Variants in DDX49 observed in about 807,000 individuals in gnomAD.
The protein encoded by DDX49 is probable ATP-dependent RNA helicase DDX49.
DDX49 carries 50 observed loss-of-function variants against 56.3 expected under a neutral mutation model. The ratio of observed to expected loss-of-function variants is 0.89; its 90% CI spans 0.71 to 1.12. DDX49 has a LOEUF of 1.12. Among genes scored for constraint, DDX49 ranks in the 50% most tolerant of loss-of-function variants. The pLI is 0.00. For synonymous variants in DDX49, 269 were observed against 270.6 expected (o/e 0.99, Z 0.06); for missense variants, 614 against 650.5 (o/e 0.94, Z 0.61).
chr19:18,924,544 GGCC>G, intron 7 of DDX49, 76 bp from the exon 8 acceptor site: 1 of 1,497,200 alleles, frequency 6.7e-7, no homozygotes, highest in Non-Finnish European at 9.3e-7. Context: ...GGACTGTCCC[GGCC>G]TCCACCCTGT....
Position 18,928,168 on chromosome 19 carries a change from A to G in DDX49, c.1304A>G (p.Lys435Arg). ...LEAKRKAELAKIKQKNRRFKE... is the reference protein window; with the variant it reads ...LEAKRKAELARIKQKNRRFKE... ...GCCAAGCGCAAGGCTGAGCTGGCCA[A>G]GATCAAGCAGAAGAACCGGCGCTTC... The change falls in exon 13 of 13, where the codon AAG becomes AGG. Residue 435 changes from lysine to arginine, a missense_variant. Lys to Arg is a conservative substitution (Grantham distance 26). Transcript: ENST00000247003. 1.3e-6 allele frequency: 2 copies of G among 1,592,348 alleles called. No homozygotes were observed. Among genetic ancestry groups the G allele is most frequent in the Non-Finnish European group, 1.7e-6 (2 of 1,169,510 alleles).
chr19:18,927,543 G>C (rs1432413401), intron 10 of DDX49, among the ~76,000 whole-genome samples: 2 of 152,068 alleles, frequency 1.3e-5, no homozygotes, highest in Admixed American at 6.6e-5. Context: ...AGCCGAGATA[G>C]TGCCACTGCA....
rs1010409631 is a variant in DDX49, at chr19:18,928,261, C to G, written c.1397C>G (p.Pro466Arg). The change falls in exon 13 of 13, where the codon CCC becomes CGC. Residue 466 changes from proline to arginine, a missense_variant. Pro to Arg is a moderately radical substitution (Grantham distance 103). Transcript: ENST00000247003. ...AGRAGHKGRPPRTPSGSHSGP... is the reference protein window; with the variant it reads ...AGRAGHKGRPRRTPSGSHSGP... ...AGGGCTGGCCACAAGGGGCGTCCAC[C>G]CAGGACACCGTCTGGGTCCCACTCA... 3.2e-6 allele frequency: 5 copies of G among 1,586,984 alleles called. No homozygotes were observed. Among genetic ancestry groups the G allele is most frequent in the Non-Finnish European group, 4.3e-6 (5 of 1,167,020 alleles).
chr19:18,924,167 G>T, intron 6 of DDX49, 66 bp from the exon 7 acceptor site: 1 of 1,520,226 alleles, frequency 6.6e-7, no homozygotes, highest in Non-Finnish European at 9.1e-7. Context: ...AGGGGCGGGT[G>T]GGGGCAGGAA....
chr19:18,928,065 G>A (rs749352686), intron 12 of DDX49, 29 bp downstream of exon 12: 55 of 1,613,350 alleles, frequency 3.4e-5, no homozygotes, highest in Non-Finnish European at 1.9e-5. Context: ...GGTAGGGGGT[G>A]GGTGGCCAGG....
chr19:18,920,771 C>A, intron 2 of DDX49, 68 bp downstream of exon 2: 1 of 1,492,624 alleles, frequency 6.7e-7, no homozygotes, highest in East Asian at 2.4e-5. Context: ...GCACCTTTCC[C>A]TCTCTGAGCG....
chr19:18,927,647 G>A, intron 10 of DDX49, 119 bp from the exon 11 acceptor site: 1 of 780,098 alleles, frequency 1.3e-6, no homozygotes, highest in Non-Finnish European at 2.2e-6. Flanking sequence ...ACCCTTACCT[G>A]ATATGGCCCC....
At chr19:18,921,634 G>C (rs1363728716) in intron 2 of DDX49, 29 bp from the exon 3 acceptor site, 1 of 1,610,120 alleles carries the variant, frequency 6.2e-7, no homozygotes, top group East Asian at 2.2e-5. Context: ...ACCACTACCT[G>C]ACCCAGCCTG....
At position 18,927,800 on chromosome 19, in the gene DDX49, C is replaced by G. The variant is rs144046113; in HGVS notation, c.1137C>G (p.Ala379=). ...KKLEEFSVEE[A]EVLQILTQVN... ...TGGAGGAGTTCTCCGTGGAAGAGGC[C>G]GAGGTGCTACAGATCCTCACACAGG... The change falls in exon 11 of 13, where the codon GCC becomes GCG. Residue 379 remains alanine, a synonymous_variant. Coordinates refer to ENST00000247003, the MANE Select transcript of DDX49 (RefSeq NM_019070.5). 1.1e-4 allele frequency: 174 copies of G among 1,613,920 alleles called. No homozygotes were observed. The Middle Eastern group carries it at 1.2e-3, about 11-fold the overall frequency.
At chr19:18,927,591 G>C (rs947274999) in intron 10 of DDX49, among the ~76,000 whole-genome samples, 175 bp from the exon 11 acceptor site, 2 of 151,924 alleles carry the variant, frequency 1.3e-5, no homozygotes, top group African/African-American at 4.8e-5. Context: ...GAAAGACAGC[G>C]GTCCATACCT....
rs2231994 is a variant in DDX49, at chr19:18,920,457, G to A, written c.116-123G>A. On this transcript the variant is annotated intron_variant, in intron 1 of 12. Transcript: ENST00000247003. ...GGTGGTAGGAAGCTGTGGGCATCTC[G>A]GGTCAAATGGATATGGGTTCCAGTC... The A allele has an allele frequency of 8.2e-4, 840 of 1,022,922 alleles. 4 individuals are homozygous for A. In the African/African-American group the frequency reaches 0.012, roughly 15 times the overall value. 63.4% of individuals were successfully genotyped at this position (1,022,922 alleles called of 1,614,324 possible).
rs761841031 is a variant in DDX49, at chr19:18,921,945, T to C, written c.428T>C (p.Ile143Thr). 1 of 1,611,732 alleles carries C rather than the reference T, an allele frequency of 6.2e-7. No homozygotes were observed. Among genetic ancestry groups the C allele is most frequent in the Non-Finnish European group, 8.5e-7 (1 of 1,178,620 alleles). Reference sequence around the variant, plus strand: ...CTGCGCAGCTCCAACACTTTTAGTATAAAGAAGATCCGCTTCCTGGTGAGT... The same window carrying C: ...CTGCGCAGCTCCAACACTTTTAGTACAAAGAAGATCCGCTTCCTGGTGAGT... ...DHLRSSNTFS[I>T]KKIRFLVMDE... The change falls in exon 4 of 13, where the codon ATA becomes ACA. Residue 143 changes from isoleucine (I) to threonine (T), a missense_variant. Coordinates refer to ENST00000247003, the MANE Select transcript of DDX49 (RefSeq NM_019070.5).
At position 18,928,153 on chromosome 19, in the gene DDX49, A is replaced by G. The variant is rs778928909; in HGVS notation, c.1289A>G (p.Lys430Arg). 6.2e-7 allele frequency: 1 copy of G among 1,600,612 alleles called. No homozygotes were observed. The highest frequency in any genetic ancestry group is 1.1e-5 in the South Asian group (1 of 89,920). The change falls in exon 13 of 13, where the codon AAG becomes AGG. Residue 430 changes from lysine to arginine, a missense_variant. Transcript: ENST00000247003. The stretch of plus-strand genomic sequence containing the variant: ...GACCCTGACCTGGAGGCCAAGCGCA[A>G]GGCTGAGCTGGCCAAGATCAAGCAG... ...GKDPDLEAKR[K>R]AELAKIKQKN...
At chr19:18,927,928 G>A (rs371475967) in intron 11 of DDX49, 37 bp from the exon 12 acceptor site, 103 of 1,613,756 alleles carry the variant, frequency 6.4e-5, no homozygotes, top group Admixed American at 5.8e-4. Flanking sequence ...TGGGGCCCCC[G>A]TGACCAGCAT....
rs1208477536 is a variant in DDX49, at chr19:18,928,277, G to A, written c.1413G>A (p.Gly471=). ...GGCGTCCACCCAGGACACCGTCTGG[G>A]TCCCACTCAGGCCCAGTCCCCTCCC... The part of the protein sequence containing the change: ...HKGRPPRTPS[G]SHSGPVPSQG... Residue 471 remains glycine (G), a synonymous_variant, in exon 13 of 13, where the codon GGG becomes GGA. Coordinates refer to ENST00000247003, the MANE Select transcript of DDX49 (RefSeq NM_019070.5). The A allele has an allele frequency of 1.9e-6, 3 of 1,581,382 alleles. No homozygotes were observed. Among genetic ancestry groups the A allele is most frequent in the Admixed American group, 1.8e-5 (1 of 54,916 alleles).
chr19:18,925,704 C>A (rs1432861248), intron 9 of DDX49, among the ~76,000 whole-genome samples: 2 of 152,340 alleles, frequency 1.3e-5, no homozygotes, highest in South Asian at 4.1e-4. Context: ...CTCCGGCCCC[C>A]ACTACTTGCT....
At chr19:18,924,088 A>G (rs2056940833) in intron 6 of DDX49, 145 bp from the exon 7 acceptor site, 3 of 761,642 alleles carry the variant, frequency 3.9e-6, no homozygotes, top group Admixed American at 2.0e-5. Context: ...GATTACAGGC[A>G]TGAGCCACCG....
In DDX49 at chr19:18,928,298, C is replaced by T. The variant is rs1456858809; in HGVS notation, c.1434C>T (p.Pro478=). The change falls in exon 13 of 13, where the codon CCC becomes CCT. Residue 478 remains proline, a synonymous_variant. Transcript: ENST00000247003. ...TPSGSHSGPV[P]SQGLV The stretch of plus-strand genomic sequence containing the variant: ...CTGGGTCCCACTCAGGCCCAGTCCC[C>T]TCCCAGGGCCTGGTCTGAGCCCCAC... The T allele has an allele frequency of 1.3e-6, 2 of 1,564,606 alleles. No individual in the cohort carries two copies. The highest frequency in any genetic ancestry group is 1.2e-5 in the South Asian group (1 of 84,306).
At position 18,927,861 on chromosome 19, in the gene DDX49, G is replaced by A. The variant is rs1359664666; in HGVS notation, c.1191+7G>A. On this transcript the variant is annotated splice_region_variant and intron_variant, in intron 11 of 12. Transcript: ENST00000247003. Reference sequence around the variant, plus strand: ...GCGAAGAGAGTGTGAGATCGTGAGTGTCAGAGGCGGGCAGGAACTAAAGTG... The same window carrying A: ...GCGAAGAGAGTGTGAGATCGTGAGTATCAGAGGCGGGCAGGAACTAAAGTG... The A allele has an allele frequency of 1.9e-6, 3 of 1,614,078 alleles. No homozygotes were observed. Among genetic ancestry groups the A allele is most frequent in the Middle Eastern group, 1.6e-4 (1 of 6,062 alleles).
Sources: allele counts gnomAD v4.1 joint callset (sites outside exome capture counted in the v4.1 genomes callset), GRCh38; gene constraint gnomAD v4.1.1; transcripts MANE v1.5; gene names NCBI Gene and HGNC (gene_info 2026-07-23, HGNC 2026-07-21).